Variants in NEDD4 observed in about 807,000 individuals in gnomAD.
NEDD4 encodes E3 ubiquitin-protein ligase NEDD4.
NEDD4 carries 99 observed loss-of-function variants against 144.9 expected under a neutral mutation model. The ratio of observed to expected loss-of-function variants is 0.68; its 90% CI spans 0.58 to 0.81. The LOEUF (loss-of-function observed/expected upper bound fraction) is 0.81, where lower values mean the gene tolerates loss of function less well. Among genes scored for constraint, NEDD4 ranks in the 30% least tolerant of loss-of-function variants. The pLI, the probability that NEDD4 is intolerant of heterozygous loss-of-function variation, is 0.00. For missense variants in NEDD4, 985 were observed against 1,065.9 expected (o/e 0.92, Z 1.06); for synonymous variants, 318 against 350.6 (o/e 0.91, Z 1.04).
chr15:55,916,970 T>C (rs1379376417), intron 5 of NEDD4: 1 of 1,407,678 alleles, frequency 7.1e-7, no homozygotes, highest in Non-Finnish European at 9.2e-7. Flanking sequence ...TAGTAGTCTT[T>C]ATCCTAAGTA....
chr15:55,907,104 A>G lies in NEDD4; in HGVS notation c.291+17542T>C, dbSNP rs186233129. On this transcript the variant is annotated intron_variant, in intron 5 of 28. Transcript: ENST00000435532. ...AGCCAGACTGTCTCAAAAATAAAAA[A>G]AAATAAAAATAAAAAATAAACAAAA... Among the ~76,000 whole-genome samples the G allele has an allele frequency of 4.2e-3, 640 of 152,040 alleles. 5 individuals are homozygous for G. The highest frequency in any genetic ancestry group is 0.015 in the African/African-American group (613 of 41,556).
intron 9 of NEDD4, among the ~76,000 whole-genome samples, chr15:55,861,362 A>C (rs2034399223): frequency 1.3e-5 from 2 of 152,168 alleles, no homozygotes; most frequent in African/African-American, 4.8e-5. Context: ...GCCTGTCCTG[A>C]AAAAGGTAAT....
At chr15:55,832,773 C>T (rs892605554) in intron 27 of NEDD4, among the ~76,000 whole-genome samples, 1 of 152,066 alleles carries the variant, frequency 6.6e-6, no homozygotes, top group Non-Finnish European at 1.5e-5. Flanking sequence ...AGTTAAAGAA[C>T]GGAAAGTGAC....
chr15:55,914,378 T>G (rs1223562777), intron 5 of NEDD4, among the ~76,000 whole-genome samples: 1 of 151,844 alleles, frequency 6.6e-6, no homozygotes, highest in African/African-American at 2.4e-5. Flanking sequence ...AAAAATCTAT[T>G]TCAGTTCAAA....
chr15:55,980,711 G>C (rs1277792825), intron 1 of NEDD4, among the ~76,000 whole-genome samples: 1 of 152,170 alleles, frequency 6.6e-6, no homozygotes, highest in Non-Finnish European at 1.5e-5. Context: ...AGTCCAGATG[G>C]AATGCAACAT....
At chr15:55,851,523 C>T (rs1405274221) in intron 13 of NEDD4, among the ~76,000 whole-genome samples, 3 of 151,582 alleles carry the variant, frequency 2.0e-5, no homozygotes, top group Non-Finnish European at 4.4e-5. Context: ...GTTGCCCAGG[C>T]TGGAGTGCAA....
intron 26 of NEDD4, 30 bp from the exon 27 acceptor site, chr15:55,833,134 A>AC: frequency 2.1e-6 from 3 of 1,411,924 alleles, no homozygotes. Flanking sequence ...CATTTAGGGA[A>AC]CAGCACTGGG....
intron 5 of NEDD4, among the ~76,000 whole-genome samples, chr15:55,901,995 T>C (rs1330076146): frequency 6.6e-6 from 1 of 152,124 alleles, no homozygotes; most frequent in African/African-American, 2.4e-5. Flanking sequence ...TAGAGTACAT[T>C]TTCACCTCTG....
rs371779512 is a variant in NEDD4, at chr15:55,848,363, G to C, written c.1542+9C>G. On this transcript the variant is annotated intron_variant, in intron 17 of 28. Transcript: ENST00000435532. ...AGTCCCATCAGAGCACACTGGCAGA[G>C]AGACTTACTGGTCCAGTTATTGCTA... 1.2e-6 allele frequency: 2 copies of C among 1,613,884 alleles called. No homozygotes were observed. Among genetic ancestry groups the C allele is most frequent in the Non-Finnish European group, 8.5e-7 (1 of 1,179,778 alleles).
intron 1 of NEDD4, among the ~76,000 whole-genome samples, chr15:55,988,437 C>T (rs1360387538): frequency 5.0e-5 from 6 of 119,688 alleles, no homozygotes; most frequent in Non-Finnish European, 9.7e-5. Flanking sequence ...AACTAACCTG[C>T]GCAATGTGCA....
At chr15:55,928,126 C>T (rs2036709988) in intron 4 of NEDD4, among the ~76,000 whole-genome samples, 3 of 152,194 alleles carry the variant, frequency 2.0e-5, no homozygotes, top group East Asian at 1.9e-4. Context: ...TCTCCTGCCT[C>T]GACCTCCCAA....
intron 2 of NEDD4, among the ~76,000 whole-genome samples, chr15:55,962,933 C>T (rs1419426762): frequency 5.9e-5 from 9 of 151,418 alleles, no homozygotes; most frequent in African/African-American, 1.7e-4. Flanking sequence ...ATTACAGACA[C>T]GCGCCACCAT....
At chr15:55,938,411 G>T (rs545956934) in intron 4 of NEDD4, among the ~76,000 whole-genome samples, 2 of 151,858 alleles carry the variant, frequency 1.3e-5, no homozygotes, top group Non-Finnish European at 2.9e-5. Context: ...ATATCCATAC[G>T]CAAAAGAAAG....
chr15:55,966,636 T>C lies in NEDD4; in HGVS notation c.46-90A>G, dbSNP rs2037517668. ...AAAAAATATATATCAAATAAAGTAA[T>C]TAGGATATTAAAATTAATTGAAGAA... On this transcript the variant is annotated intron_variant, in intron 1 of 28. Coordinates refer to ENST00000435532, the MANE Select transcript of NEDD4 (RefSeq NM_006154.4). The C allele has an allele frequency of 7.5e-6, 4 of 530,688 alleles. No individual in the cohort carries two copies. The South Asian group carries it at 1.3e-4, about 18-fold the overall frequency. The allele number at this position is 530,688 out of a possible 1,614,324, so 32.9% of individuals were successfully genotyped here.
At position 55,856,198 on chromosome 15, in the gene NEDD4, T is replaced by G. The variant is rs1284146341; in HGVS notation, c.961-2A>C. The G allele has an allele frequency of 6.2e-7, 1 of 1,610,026 alleles. No homozygotes were observed. The highest frequency in any genetic ancestry group is 8.5e-7 in the Non-Finnish European group (1 of 1,178,850). On this transcript the variant is annotated splice_acceptor_variant, in intron 11 of 28. Transcript: ENST00000435532. LOFTEE classifies it high-confidence loss of function. ...GCTGCCTCTTCTGCTGGAATGATTC[T>G]TGTGAAAAAACAAGACAACAGAAGA...
intron 5 of NEDD4, among the ~76,000 whole-genome samples, chr15:55,890,161 CTACT>C (rs2035520749): frequency 6.6e-6 from 1 of 152,006 alleles, no homozygotes; most frequent in African/African-American, 2.4e-5. Context: ...ATATATATAC[CTACT>C]ATGTACCCAC....
At chr15:55,915,576 G>T in intron 5 of NEDD4, 1 of 1,613,962 alleles carries the variant, frequency 6.2e-7, no homozygotes, top group Non-Finnish European at 8.5e-7. Flanking sequence ...ACATGCAGAT[G>T]TCCTATGCAT....
At chr15:55,859,801 A>G (rs1235992176) in intron 11 of NEDD4, among the ~76,000 whole-genome samples, 1 of 152,212 alleles carries the variant, frequency 6.6e-6, no homozygotes, top group Non-Finnish European at 1.5e-5. Context: ...AGGTAAGATC[A>G]AGACAAAATC....
At chr15:55,842,480 G>A (rs1170367033) in intron 18 of NEDD4, among the ~76,000 whole-genome samples, 1 of 152,154 alleles carries the variant, frequency 6.6e-6, no homozygotes, top group Non-Finnish European at 1.5e-5. Flanking sequence ...TCGACCTCAT[G>A]GGCTCAAGTG....
Sources: allele counts gnomAD v4.1 joint callset (sites outside exome capture counted in the v4.1 genomes callset), GRCh38; gene constraint gnomAD v4.1.1; transcripts MANE v1.5; gene names NCBI Gene and HGNC (gene_info 2026-07-23, HGNC 2026-07-21).